ASTN2: variants seen among roughly 807,000 people sequenced by gnomAD.
ASTN2 encodes the protein astrotactin 2.
In ASTN2, 54 loss-of-function variants were observed where a neutral mutation model predicts 139.8. The observed-to-expected ratio is 0.39, with a 90% confidence interval of 0.31 to 0.48. The LOEUF is 0.48. Ranked by LOEUF, ASTN2 falls within the 20% of genes least tolerant of loss-of-function variation. The pLI, the probability that ASTN2 is intolerant of heterozygous loss-of-function variation, is 0.95. For missense variants in ASTN2, 1,565 were observed against 1,725.1 expected, an observed-to-expected ratio of 0.91 and a Z score of 1.64; for synonymous variants, 756 against 719.5, an observed-to-expected ratio of 1.05 and a Z score of -0.81.
At chr9:116,525,208 C>G (rs1056903354) in intron 19 of ASTN2, among the ~76,000 whole-genome samples, 1 of 152,154 alleles carries the variant, frequency 6.6e-6, no homozygotes, top group Admixed American at 6.6e-5. Context: ...TGTCCCTGTC[C>G]TAGGGATCTG....
intron 13 of ASTN2, among the ~76,000 whole-genome samples, chr9:116,763,450 G>A (rs939443575): frequency 1.2e-4 from 18 of 151,988 alleles, no homozygotes; most frequent in African/African-American, 3.9e-4. Flanking sequence ...CAGCGCCCCC[G>A]AAAACCATCT....
chr9:117,368,044 C>A (rs1249062975), intron 1 of ASTN2, among the ~76,000 whole-genome samples: 1 of 152,032 alleles, frequency 6.6e-6, no homozygotes, highest in East Asian at 1.9e-4. Context: ...CCAGCCTGAC[C>A]ACCAGAAAAG....
intron 1 of ASTN2, among the ~76,000 whole-genome samples, chr9:117,346,772 AAAATCATACAG>A (rs1829233200): frequency 6.6e-6 from 1 of 152,176 alleles, no homozygotes; most frequent in Non-Finnish European, 1.5e-5. Context: ...CATGGGTATT[AAAATCATACAG>A]ACATGGGTTC....
chr9:117,271,763 T>C (rs951293187), intron 2 of ASTN2, among the ~76,000 whole-genome samples: 1 of 152,200 alleles, frequency 6.6e-6, no homozygotes, highest in Non-Finnish European at 1.5e-5. Context: ...CAAAATGATC[T>C]CTTTTGACTC....
intron 16 of ASTN2, among the ~76,000 whole-genome samples, chr9:116,676,795 T>C (rs540803570): frequency 1.3e-5 from 2 of 152,350 alleles, no homozygotes; most frequent in African/African-American, 2.4e-5. Flanking sequence ...TCTGGAATGA[T>C]TCCTTTCTGG....
chr9:116,491,633 C>T (rs1849520732), intron 19 of ASTN2, among the ~76,000 whole-genome samples: 2 of 152,160 alleles, frequency 1.3e-5, no homozygotes, highest in Admixed American at 1.3e-4. Flanking sequence ...CACTGGATTT[C>T]AGAAGGTTTA....
chr9:116,514,675 T>C (rs1446753356), intron 19 of ASTN2, among the ~76,000 whole-genome samples: 1 of 152,134 alleles, frequency 6.6e-6, no homozygotes, highest in Admixed American at 6.5e-5. Flanking sequence ...TCCCAGCCGC[T>C]TTGTTTACCT....
In ASTN2 at chr9:116,701,745, T is replaced by C. The variant is rs982219515; in HGVS notation, c.2806+24026A>G. On this transcript the variant is annotated intron_variant, in intron 16 of 22. Transcript: ENST00000313400. ...CAAAATGGAAGTGTGATCTGAGTCT[T>C]TTTCCTTTTTCCCCTTTGATGTGAA... Among the ~76,000 whole-genome samples, 3 of 152,170 alleles carry C rather than the reference T, an allele frequency of 2.0e-5. No homozygotes were observed. The South Asian group carries it at 6.2e-4, about 32-fold the overall frequency.
chr9:116,876,052 TG>T (rs1477909959), intron 10 of ASTN2, among the ~76,000 whole-genome samples: 3 of 152,228 alleles, frequency 2.0e-5, no homozygotes, highest in African/African-American at 7.2e-5. Flanking sequence ...ATTTTTCTGA[TG>T]GATCTGGGTA....
At chr9:117,059,350 A>C (rs1340987931) in intron 5 of ASTN2, among the ~76,000 whole-genome samples, 1 of 152,210 alleles carries the variant, frequency 6.6e-6, no homozygotes, top group East Asian at 1.9e-4. Flanking sequence ...GTGGTGGCTC[A>C]TGCCTGTAAT....
intron 4 of ASTN2, among the ~76,000 whole-genome samples, chr9:117,138,269 G>A (rs1829997812): frequency 6.6e-6 from 1 of 152,154 alleles, no homozygotes. Flanking sequence ...ACTGTAGATT[G>A]GGTAGTCATG....
chr9:116,442,540 C>T lies in ASTN2; in HGVS notation c.3511G>A (p.Ala1171Thr). The T allele has an allele frequency of 6.2e-7, 1 of 1,614,138 alleles. No homozygotes were observed. Among genetic ancestry groups the T allele is most frequent in the East Asian group, 2.2e-5 (1 of 44,874 alleles). ...PDGLYKFTLY[A>T]VDTRGRHSEL... ...GAGTGCCTCCCTCGTGTATCCACAGCATACAGAGTGAACCTGCAGCACAGC... is the reference window on the plus strand; with the variant it reads ...GAGTGCCTCCCTCGTGTATCCACAGTATACAGAGTGAACCTGCAGCACAGC... The change falls in exon 21 of 23, where the codon GCT becomes ACT. Residue 1171 changes from alanine to threonine, a missense_variant. By Grantham distance (58) the Ala-to-Thr change is moderately conservative. Around this residue, in one of 4 missense-constraint regions of ASTN2, gnomAD observed 418 missense variants for 465.8 expected, o/e 0.90. Transcript: ENST00000313400.
intron 19 of ASTN2, among the ~76,000 whole-genome samples, chr9:116,532,716 T>C (rs1262961677): frequency 6.6e-6 from 1 of 152,214 alleles, no homozygotes. Flanking sequence ...GTTCCATTGG[T>C]CTATATCTCT....
chr9:116,877,514 T>C lies in ASTN2; in HGVS notation c.1890-13781A>G, dbSNP rs556905792. Among the ~76,000 whole-genome samples the C allele has an allele frequency of 5.3e-5, 8 of 152,346 alleles. No individual in the cohort carries two copies. In the South Asian group the frequency reaches 6.2e-4, roughly 12 times the overall value. ...CCCCTATCTATACCTAAATTTATAA[T>C]TACAAACTGTGATAGATGCTTTAAA... On this transcript the variant is annotated intron_variant, in intron 10 of 22. Transcript: ENST00000313400.
At chr9:116,847,817 CT>C in intron 11 of ASTN2, among the ~76,000 whole-genome samples, 1 of 152,306 alleles carries the variant, frequency 6.6e-6, no homozygotes, top group East Asian at 1.9e-4. Context: ...ACTTCCTCAT[CT>C]GTTATATTTT....
chr9:116,855,071 C>T (rs929280146), intron 11 of ASTN2, among the ~76,000 whole-genome samples: 6 of 152,042 alleles, frequency 3.9e-5, no homozygotes, highest in African/African-American at 7.2e-5. Context: ...CACAATAAAA[C>T]CAGCTTACCA....
chr9:116,875,429 G>C (rs1454793638), intron 10 of ASTN2, among the ~76,000 whole-genome samples: 1 of 152,194 alleles, frequency 6.6e-6, no homozygotes, highest in African/African-American at 2.4e-5. Flanking sequence ...TTTAAGCAGA[G>C]ATTGATTCAT....
intron 19 of ASTN2, among the ~76,000 whole-genome samples, chr9:116,570,760 A>T (rs1251385523): frequency 6.6e-6 from 1 of 152,158 alleles, no homozygotes; most frequent in Non-Finnish European, 1.5e-5. Context: ...TGCTTGAGAA[A>T]GTGTGCTCAT....
At chr9:116,469,440 C>T (rs573979544) in intron 20 of ASTN2, among the ~76,000 whole-genome samples, 14 of 152,158 alleles carry the variant, frequency 9.2e-5, no homozygotes, top group Non-Finnish European at 7.4e-5. Flanking sequence ...TAGGGCAAAC[C>T]CTGCCTCATT....
Sources: allele counts gnomAD v4.1 joint callset (sites outside exome capture counted in the v4.1 genomes callset), GRCh38; gene constraint gnomAD v4.1.1; regional missense constraint gnomAD v4.1.1; transcripts MANE v1.5; gene names NCBI Gene and HGNC (gene_info 2026-07-23, HGNC 2026-07-21).